PCDHGB7: variants seen among roughly 807,000 people sequenced by gnomAD.
PCDHGB7 encodes protocadherin gamma subfamily B, 7, also known as protocadherin gamma-B7.
In PCDHGB7, 37 loss-of-function variants were observed where a neutral mutation model predicts 61.4. That is an observed-to-expected ratio of 0.60 (90% CI 0.46 to 0.79). The LOEUF (loss-of-function observed/expected upper bound fraction) is 0.79. Among genes scored for constraint, PCDHGB7 ranks in the 30% least tolerant of loss-of-function variants. The pLI is 0.00. For missense variants in PCDHGB7, 1,166 were observed against 1,202.5 expected (o/e 0.97, Z 0.45); for synonymous variants, 464 against 503.5 (o/e 0.92, Z 1.05).
intron 1 of PCDHGB7, chr5:141,478,878 T>A: frequency 8.0e-7 from 1 of 1,250,194 alleles, no homozygotes; most frequent in Non-Finnish European, 1.1e-6. Flanking sequence ...GAGTTTAGCT[T>A]GGTATCATTT....
chr5:141,502,667 T>G (rs2099815574), intron 2 of PCDHGB7, among the ~76,000 whole-genome samples: 1 of 152,236 alleles, frequency 6.6e-6, no homozygotes. Context: ...TTCATGCAAT[T>G]TTAGTATTCC....
At chr5:141,497,092 G>C (rs2099773958) in intron 2 of PCDHGB7, among the ~76,000 whole-genome samples, 1 of 152,092 alleles carries the variant, frequency 6.6e-6, no homozygotes, top group Admixed American at 6.5e-5. Flanking sequence ...AGGAGGCTGA[G>C]GCAGAACTGC....
chr5:141,433,142 G>A, intron 1 of PCDHGB7: 2 of 1,614,108 alleles, frequency 1.2e-6, no homozygotes, highest in African/African-American at 1.3e-5. Flanking sequence ...TTTGCTGTCA[G>A]GTGATTCGGT....
Position 141,476,072 on chromosome 5 carries a change from C to A in PCDHGB7, c.2416-18735C>A. 1.3e-6 allele frequency: 2 copies of A among 1,523,462 alleles called. No individual in the cohort carries two copies. The highest frequency in any genetic ancestry group is 1.3e-5 in the South Asian group (1 of 77,998). 94.4% of individuals were successfully genotyped at this position (1,523,462 alleles called of 1,614,324 possible). The stretch of plus-strand genomic sequence containing the variant: ...CGCTGAAAGTTTCTCAGCGAAATCT[C>A]AGGGACGATCTGGACCCCGCTGAGA... On this transcript the variant is annotated intron_variant, in intron 1 of 3. Coordinates refer to ENST00000398594, the MANE Select transcript of PCDHGB7 (RefSeq NM_018927.4). The surrounding 1 kb of genome is among the most constrained non-coding windows in gnomAD (Gnocchi z 7.6).
At chr5:141,442,452 CA>C (rs2098325918) in intron 1 of PCDHGB7, 1 of 152,226 alleles carries the variant, frequency 6.6e-6, no homozygotes, top group Admixed American at 6.5e-5. Flanking sequence ...GACTCAATAG[CA>C]GTTTCACTGC....
chr5:141,434,506 T>C (rs2154556236), intron 1 of PCDHGB7, among the ~76,000 whole-genome samples: 2 of 152,344 alleles, frequency 1.3e-5, no homozygotes, highest in East Asian at 3.9e-4. Context: ...GGCAGAAAAC[T>C]GCTTAAAGGT....
chr5:141,422,703 G>GA, intron 1 of PCDHGB7: 1 of 1,603,132 alleles, frequency 6.2e-7, no homozygotes, highest in African/African-American at 1.3e-5. Context: ...CTTACTCTCT[G>GA]ACGGATGACA....
In PCDHGB7 at chr5:141,476,575, C is replaced by A; in HGVS notation, c.2416-18232C>A. 6 of 1,614,232 alleles carry A rather than the reference C, an allele frequency of 3.7e-6. No homozygotes were observed. The highest frequency in any genetic ancestry group is 5.1e-6 in the Non-Finnish European group (6 of 1,180,042). The stretch of plus-strand genomic sequence containing the variant: ...GCGAGGCCGTGGCTCCGGGGACGCG[C>A]TTTCCGCTCGAGAGCGCGCACGATC... On this transcript the variant is annotated intron_variant, in intron 1 of 3. Transcript: ENST00000398594. This position sits in a 1 kb window ranked among gnomAD's most constrained non-coding sequence, Gnocchi z 7.6.
intron 3 of PCDHGB7, chr5:141,507,291 T>A (rs956764262): frequency 3.4e-5 from 5 of 147,704 alleles, no homozygotes; most frequent in African/African-American, 5.1e-5. Flanking sequence ...CAGTCTCAAA[T>A]GTTGCATGAG....
At chr5:141,469,780 G>A (rs775691161) in intron 1 of PCDHGB7, among the ~76,000 whole-genome samples, 12 of 152,080 alleles carry the variant, frequency 7.9e-5, no homozygotes, top group Non-Finnish European at 1.8e-4. Context: ...ATTTATTACA[G>A]CGTTATTTGT....
Position 141,486,786 on chromosome 5 carries a change from G to A in PCDHGB7, c.2416-8021G>A, listed in dbSNP as rs1360545946. The A allele has an allele frequency of 1.9e-6, 3 of 1,614,090 alleles. No individual in the cohort carries two copies. The highest frequency in any genetic ancestry group is 2.2e-5 in the East Asian group (1 of 44,892). ...ACACTGCAGTTTGAGGTGCAGGCCC[G>A]GGATCGGGGCAACCCACCCCTTAGC... is the stretch of plus-strand genomic sequence containing the variant. On this transcript the variant is annotated intron_variant, in intron 1 of 3. Coordinates refer to ENST00000398594, the MANE Select transcript of PCDHGB7 (RefSeq NM_018927.4). This position sits in a 1 kb window ranked among gnomAD's most constrained non-coding sequence, Gnocchi z 5.0.
intron 1 of PCDHGB7, chr5:141,440,564 A>T (rs531383065): frequency 1.3e-5 from 2 of 152,248 alleles, no homozygotes; most frequent in Non-Finnish European, 2.9e-5. Context: ...TAAGTTACGT[A>T]TCTCTGAGTT....
intron 1 of PCDHGB7, among the ~76,000 whole-genome samples, chr5:141,442,913 AACT>A (rs1163578304): frequency 6.6e-6 from 1 of 152,214 alleles, no homozygotes. Flanking sequence ...TTCAGCACAC[AACT>A]GTTTCATTTT....
At chr5:141,424,055 C>T (rs2096796946) in intron 1 of PCDHGB7, 1 of 1,007,784 alleles carries the variant, frequency 9.9e-7, no homozygotes. Flanking sequence ...TTTTGCTGTG[C>T]CTTCACTGAT....
At position 141,431,435 on chromosome 5, in the gene PCDHGB7, G is replaced by A. The variant is rs376827063; in HGVS notation, c.2415+11161G>A. ...GGGCGACCCGGTGCGCACAGGCACC[G>A]CGCGCATCCGCGTGATGGTTCTGGA... On this transcript the variant is annotated intron_variant, in intron 1 of 3. Coordinates refer to ENST00000398594, the MANE Select transcript of PCDHGB7 (RefSeq NM_018927.4). The surrounding 1 kb of genome is among the most constrained non-coding windows in gnomAD (Gnocchi z 4.8). 2.5e-6 allele frequency: 4 copies of A among 1,613,550 alleles called. No homozygotes were observed. Among genetic ancestry groups the A allele is most frequent in the Non-Finnish European group, 3.4e-6 (4 of 1,180,034 alleles).
intron 3 of PCDHGB7, 48 bp downstream of exon 3, chr5:141,505,529 T>C (rs1479433990): frequency 1.9e-6 from 3 of 1,612,066 alleles, no homozygotes; most frequent in Non-Finnish European, 2.5e-6. Context: ...CCTGGGGTTC[T>C]GGGGTGCATC....
chr5:141,448,720 C>T (rs545687728), intron 1 of PCDHGB7, among the ~76,000 whole-genome samples: 24 of 152,030 alleles, frequency 1.6e-4, no homozygotes, highest in African/African-American at 5.8e-4. Flanking sequence ...GCGGGAGGAT[C>T]ACGAGGTCAG....
At position 141,426,367 on chromosome 5, in the gene PCDHGB7, G is replaced by A. The variant is rs557191606; in HGVS notation, c.2415+6093G>A. The A allele has an allele frequency of 8.2e-4, 168 of 204,486 alleles. 3 individuals are homozygous for A. The South Asian group carries it at 0.014, about 17-fold the overall frequency. 12.7% of individuals were successfully genotyped at this position (204,486 alleles called of 1,614,324 possible). ...TTTCCTGCTGCCTTTGTTCTGCGGG[G>A]CACCCTCGGAGCAGATCCGCTACTC... is the stretch of plus-strand genomic sequence containing the variant. On this transcript the variant is annotated intron_variant, in intron 1 of 3. Transcript: ENST00000398594.
In PCDHGB7 at chr5:141,423,113, C is replaced by G. The variant is rs2096710947; in HGVS notation, c.2415+2839C>G. On this transcript the variant is annotated intron_variant, in intron 1 of 3. Coordinates refer to ENST00000398594, the MANE Select transcript of PCDHGB7 (RefSeq NM_018927.4). The stretch of plus-strand genomic sequence containing the variant: ...GGGGAGCACACGGGCGAGGTGCGTA[C>G]AGCGCGGGCACTGCTGGACAGAGAC... The G allele has an allele frequency of 1.9e-6, 3 of 1,613,702 alleles. No homozygotes were observed. The highest frequency in any genetic ancestry group is 2.5e-6 in the Non-Finnish European group (3 of 1,179,992).
Sources: gnomAD v4.1 joint callset for allele counts (sites outside exome capture counted in the v4.1 genomes callset) on GRCh38, gnomAD v4.1.1 for gene constraint, Gnocchi (gnomAD v3.1) non-coding constraint, MANE v1.5 for transcripts, NCBI Gene and HGNC (gene_info 2026-07-23, HGNC 2026-07-21) for gene names.